Variants in SPECC1 observed in about 807,000 individuals in gnomAD.
The protein encoded by SPECC1 is sperm antigen with calponin homology and coiled-coil domains 1.
Under a neutral mutation model 104.1 loss-of-function variants are expected in SPECC1, and 62 were observed. The observed-to-expected ratio is 0.60, with a 90% CI of 0.49 to 0.74. SPECC1 has a LOEUF of 0.74. SPECC1 is among the 30% of genes least tolerant of loss of function. SPECC1 has a pLI of 0.00. For missense variants in SPECC1, 1,306 were observed against 1,310.5 expected, an observed-to-expected ratio of 1.00 and a Z score of 0.05; for synonymous variants, 513 against 501.6, an observed-to-expected ratio of 1.02 and a Z score of -0.30.
At chr17:20,062,400 T>C (rs1345541860) in intron 1 of SPECC1, among the ~76,000 whole-genome samples, 1 of 152,210 alleles carries the variant, frequency 6.6e-6, no homozygotes, top group Non-Finnish European at 1.5e-5. Flanking sequence ...TCTCCCTCTT[T>C]CATCCAGGCT....
intron 12 of SPECC1, among the ~76,000 whole-genome samples, chr17:20,279,947 G>C (rs2040710472): frequency 6.6e-6 from 1 of 152,174 alleles, no homozygotes; most frequent in South Asian, 2.1e-4. Context: ...AGTGAAATCA[G>C]CCCATCACCA....
chr17:20,146,842 G>T (rs999754721), intron 3 of SPECC1, among the ~76,000 whole-genome samples: 1 of 152,080 alleles, frequency 6.6e-6, no homozygotes, highest in Non-Finnish European at 1.5e-5. Flanking sequence ...GGAGGTGGAA[G>T]TTGCAGTGAG....
chr17:20,049,272 A>G (rs1343419562), intron 1 of SPECC1, among the ~76,000 whole-genome samples: 1 of 152,258 alleles, frequency 6.6e-6, no homozygotes, highest in East Asian at 1.9e-4. Context: ...GGTAAAATAG[A>G]TTTGAAAGTT....
chr17:20,276,199 C>T (rs1567600746), intron 12 of SPECC1, among the ~76,000 whole-genome samples: 1 of 152,122 alleles, frequency 6.6e-6, no homozygotes, highest in Non-Finnish European at 1.5e-5. Flanking sequence ...TCACTGCAGC[C>T]TCCACCTCCT....
intron 12 of SPECC1, among the ~76,000 whole-genome samples, chr17:20,278,940 C>T (rs1237548399): frequency 6.6e-6 from 1 of 152,144 alleles, no homozygotes; most frequent in South Asian, 2.1e-4. Context: ...ATTTAAGTCC[C>T]TTGGTCTTCT....
rs753341445 is a variant in SPECC1, at chr17:20,096,673, T to G, written c.22T>G (p.Trp8Gly). 2 of 1,613,936 alleles carry G rather than the reference T, an allele frequency of 1.2e-6. No homozygotes were observed. The highest frequency in any genetic ancestry group is 1.7e-6 in the Non-Finnish European group (2 of 1,179,866). The change falls in exon 2 of 15, where the codon TGG (tryptophan) becomes GGG (glycine). Residue 8 changes from tryptophan to glycine, a missense_variant. This residue lies in a region of SPECC1 where 1,177 missense variants were observed against 1,139.9 expected (regional missense o/e 1.03). Coordinates refer to ENST00000395527, the MANE Select transcript of SPECC1 (RefSeq NM_001243439.2). ...AAGCATGCGGAGTGCAGCCAAGCCCTGGAACCCAGCCATCAGAGCAGGGGG... is the reference window on the plus strand; with the variant it reads ...AAGCATGCGGAGTGCAGCCAAGCCCGGGAACCCAGCCATCAGAGCAGGGGG... Reference protein sequence around the residue: MRSAAKPWNPAIRAGGHG... With the variant: MRSAAKPGNPAIRAGGHG...
chr17:20,078,877 C>T (rs1057448558), intron 1 of SPECC1, among the ~76,000 whole-genome samples: 2 of 152,166 alleles, frequency 1.3e-5, no homozygotes, highest in Admixed American at 1.3e-4. Flanking sequence ...TTGCTTTTTC[C>T]TCTTGCTAGA....
Position 20,210,944 on chromosome 17 carries a change from C to T in SPECC1, c.1863+5032C>T, listed in dbSNP as rs76231401. 2.9e-3 allele frequency among the ~76,000 whole-genome samples: 442 copies of T among 152,338 alleles called. 19 individuals are homozygous for T. The East Asian group carries it at 0.082, about 28-fold the overall frequency. ...GAGACCCCACCCCATTGACCATTAC[C>T]TGGTCCCTCCTGAAGCTTTCCGCCT... On this transcript the variant is annotated intron_variant, in intron 4 of 14. Transcript: ENST00000395527.
At chr17:20,302,001 C>A (rs1483813558) in intron 13 of SPECC1, among the ~76,000 whole-genome samples, 1 of 152,146 alleles carries the variant, frequency 6.6e-6, no homozygotes, top group Non-Finnish European at 1.5e-5. Flanking sequence ...ATCACTGTGC[C>A]CAGCCATTTT....
intron 4 of SPECC1, 38 bp from the exon 5 acceptor site, chr17:20,227,375 T>G (rs1166993563): frequency 6.3e-7 from 1 of 1,583,510 alleles, no homozygotes; most frequent in Non-Finnish European, 8.6e-7. Context: ...GGAATTTTTT[T>G]GTTGTTAACT....
At position 20,196,387 on chromosome 17, in the gene SPECC1, C is replaced by T. The variant is rs1304144184; in HGVS notation, c.284-7946C>T. Among the ~76,000 whole-genome samples the T allele has an allele frequency of 3.3e-5, 5 of 152,212 alleles. No homozygotes were observed. In the East Asian group the frequency reaches 9.6e-4, roughly 29 times the overall value. On this transcript the variant is annotated intron_variant, in intron 3 of 14. Transcript: ENST00000395527. ...AGAAGTGCAGATAAGGGCTGACTCT[C>T]CAGCATAGCTAGGGGGCATGGCTAA...
intron 10 of SPECC1, 122 bp downstream of exon 10, chr17:20,253,708 A>G: frequency 1.1e-6 from 1 of 885,706 alleles, no homozygotes; most frequent in Non-Finnish European, 1.8e-6. Context: ...AAGTGATTTC[A>G]ACCCCGAATA....
chr17:20,021,944 T>A (rs187555271), intron 1 of SPECC1, among the ~76,000 whole-genome samples: 9 of 149,670 alleles, frequency 6.0e-5, no homozygotes, highest in Non-Finnish European at 3.0e-5. Flanking sequence ...TAATTATAAT[T>A]ATTATTATAT....
At chr17:20,078,598 A>C (rs1301658052) in intron 1 of SPECC1, among the ~76,000 whole-genome samples, 1 of 152,190 alleles carries the variant, frequency 6.6e-6, no homozygotes, top group Non-Finnish European at 1.5e-5. Context: ...AAAATTAGTA[A>C]AGCTTTTTTG....
rs1177572942 is a variant in SPECC1 at position 20,016,384 on chromosome 17, C to T, written c.-22+6960C>T. Among the ~76,000 whole-genome samples, 29 of 152,174 alleles carry T rather than the reference C, an allele frequency of 1.9e-4. 1 individual carries two copies. Among genetic ancestry groups the T allele is most frequent in the Admixed American group, 1.9e-3 (29 of 15,276 alleles). The stretch of plus-strand genomic sequence containing the variant: ...TGGCCGCGCTTGAGGAGCCCTTCAG[C>T]CCACCGCTGCACTGTGGGAGCCCCT... On this transcript the variant is annotated intron_variant, in intron 1 of 14. Coordinates refer to ENST00000395527, the MANE Select transcript of SPECC1 (RefSeq NM_001243439.2).
At chr17:20,298,980 G>GTGTGTGTGTGTGTGTGTGT (rs1567617368) in intron 13 of SPECC1, among the ~76,000 whole-genome samples, 2 of 28,314 alleles carry the variant, frequency 7.1e-5, no homozygotes, top group African/African-American at 3.9e-4. Context: ...TGTATGTAGA[G>GTGTGTGTGTGTGTGTGTGT]AGAGAGAGAG....
chr17:20,032,523 C>T (rs1163928287), intron 1 of SPECC1, among the ~76,000 whole-genome samples: 1 of 151,576 alleles, frequency 6.6e-6, no homozygotes, highest in African/African-American at 2.4e-5. Context: ...CTAAATTTTT[C>T]TTCTGCCAGT....
chr17:20,303,184 A>G (rs887607341), intron 13 of SPECC1, among the ~76,000 whole-genome samples: 9 of 152,218 alleles, frequency 5.9e-5, no homozygotes, highest in Non-Finnish European at 8.8e-5. Context: ...ATGGTGGCCT[A>G]AAAACTGGCT....
chr17:20,163,161 C>T (rs973053032), intron 3 of SPECC1, among the ~76,000 whole-genome samples: 1 of 152,132 alleles, frequency 6.6e-6, no homozygotes, highest in African/African-American at 2.4e-5. Context: ...AGAGCTTCCC[C>T]TAATTAAGAC....
Sources: allele counts gnomAD v4.1 joint callset (sites outside exome capture counted in the v4.1 genomes callset), GRCh38; gene constraint gnomAD v4.1.1; regional missense constraint gnomAD v4.1.1; transcripts MANE v1.5; gene names NCBI Gene and HGNC (gene_info 2026-07-23, HGNC 2026-07-21).